The following EYA2 variants were observed in gnomAD, a reference collection of about 807,000 sequenced individuals.
EYA2 encodes protein phosphatase EYA2.
A neutral mutation model predicts 69.2 loss-of-function variants in EYA2; 31 were observed. The observed-to-expected ratio is 0.45, with a 90% CI of 0.34 to 0.60. EYA2 has a LOEUF of 0.60. Among genes scored for constraint, EYA2 ranks in the 20% least tolerant of loss-of-function variants. EYA2 has a pLI of 0.02. For synonymous variants in EYA2, 257 were observed against 279.4 expected (o/e 0.92, Z 0.80); for missense variants, 622 against 701.2 (o/e 0.89, Z 1.28).
At chr20:47,104,862 A>C (rs2146530798) in intron 9 of EYA2, among the ~76,000 whole-genome samples, 1 of 152,198 alleles carries the variant, frequency 6.6e-6, no homozygotes, top group South Asian at 2.1e-4. Context: ...CTCTACTAAA[A>C]ATACAAAAAT....
intron 5 of EYA2, among the ~76,000 whole-genome samples, chr20:47,039,899 G>A (rs1427571089): frequency 3.2e-5 from 4 of 124,110 alleles, no homozygotes; most frequent in African/African-American, 9.2e-5. Context: ...GGAGTGCAAT[G>A]GTGCGATCTC....
At chr20:47,096,061 A>T (rs17413419) in intron 8 of EYA2, 1 of 152,130 alleles carries the variant, frequency 6.6e-6, no homozygotes, top group East Asian at 1.9e-4. Context: ...AAATTAATAA[A>T]TTCTGACAAA....
intron 9 of EYA2, among the ~76,000 whole-genome samples, chr20:47,135,473 TATTA>T (rs1239699435): frequency 1.3e-5 from 2 of 151,348 alleles, no homozygotes; most frequent in Non-Finnish European, 2.9e-5. Context: ...TCAACATTAT[TATTA>T]ATTATTATTA....
At chr20:46,982,303 C>T (rs1412194775) in intron 1 of EYA2, among the ~76,000 whole-genome samples, 1 of 152,172 alleles carries the variant, frequency 6.6e-6, no homozygotes, top group Non-Finnish European at 1.5e-5. Flanking sequence ...ATCAATTCTG[C>T]TGAGAAGCTG....
At chr20:47,179,167 C>T (rs2034482696) in intron 12 of EYA2, among the ~76,000 whole-genome samples, 1 of 151,342 alleles carries the variant, frequency 6.6e-6, no homozygotes, top group South Asian at 2.1e-4. Flanking sequence ...ATTACAATAT[C>T]AAGTACTTAG....
At chr20:46,948,114 A>AAG (rs1978576594) in intron 1 of EYA2, among the ~76,000 whole-genome samples, 1 of 151,392 alleles carries the variant, frequency 6.6e-6, no homozygotes, top group Non-Finnish European at 1.5e-5. Context: ...TGTCTCAAAA[A>AAG]AAAAAAAAAG....
chr20:46,947,149 T>C (rs6090586), intron 1 of EYA2, among the ~76,000 whole-genome samples: 1,580 of 152,324 alleles, frequency 0.01, 27 homozygotes, highest in African/African-American at 0.036. Context: ...AGTTGAGGAA[T>C]GGCTGGCTGA....
At chr20:47,109,805 G>C (rs1442642646) in intron 9 of EYA2, among the ~76,000 whole-genome samples, 1 of 152,190 alleles carries the variant, frequency 6.6e-6, no homozygotes, top group Non-Finnish European at 1.5e-5. Flanking sequence ...CATTTTTGGG[G>C]AATGGGATAC....
chr20:47,042,618 A>T (rs1772599448), intron 5 of EYA2, among the ~76,000 whole-genome samples: 1 of 152,206 alleles, frequency 6.6e-6, no homozygotes, highest in Non-Finnish European at 1.5e-5. Flanking sequence ...TATCTCAAAG[A>T]ACCCACAGCA....
At chr20:46,984,587 G>A (rs1044657045) in intron 1 of EYA2, among the ~76,000 whole-genome samples, 3 of 152,150 alleles carry the variant, frequency 2.0e-5, no homozygotes, top group South Asian at 4.1e-4. Flanking sequence ...GCCGTGCCAA[G>A]TGTTAGCAGG....
intron 10 of EYA2, among the ~76,000 whole-genome samples, chr20:47,167,867 G>T (rs1389289834): frequency 6.6e-6 from 1 of 152,134 alleles, no homozygotes; most frequent in African/African-American, 2.4e-5. Flanking sequence ...CATCTTTGGG[G>T]GTTCGTTATT....
Position 47,030,866 on chromosome 20 carries a change from C to T in EYA2, c.415+14569C>T, listed in dbSNP as rs567954622. Among the ~76,000 whole-genome samples the T allele has an allele frequency of 1.5e-4, 23 of 152,324 alleles. No homozygotes were observed. The South Asian group carries it at 3.5e-3, about 23-fold the overall frequency. Reference sequence around the variant, plus strand: ...CGAATGCCTGGACTCAAGCGATCCTCTCGTCTCAGCCTCCTGAGTAGCTGA... The same window carrying T: ...CGAATGCCTGGACTCAAGCGATCCTTTCGTCTCAGCCTCCTGAGTAGCTGA... On this transcript the variant is annotated intron_variant, in intron 5 of 15. Transcript: ENST00000327619.
In EYA2 at chr20:47,075,625, G is replaced by T. The variant is rs190900106; in HGVS notation, c.661+1290G>T. 7.9e-5 allele frequency among the ~76,000 whole-genome samples: 12 copies of T among 152,236 alleles called. No individual in the cohort carries two copies. The East Asian group carries it at 2.1e-3, about 27-fold the overall frequency. The stretch of plus-strand genomic sequence containing the variant: ...AATGTTGATTCTTTGTCTAAGAGGG[G>T]TTCAAGTATAGCGACTCAGGGTCCT... On this transcript the variant is annotated intron_variant, in intron 7 of 15. Coordinates refer to ENST00000327619, the MANE Select transcript of EYA2 (RefSeq NM_005244.5).
intron 1 of EYA2, among the ~76,000 whole-genome samples, chr20:46,934,717 T>C (rs542119176): frequency 1.3e-5 from 2 of 152,016 alleles, no homozygotes; most frequent in Admixed American, 6.6e-5. Context: ...TGGAAATTTA[T>C]TGGATGGGAC....
chr20:47,009,694 C>G (rs1982942740), intron 4 of EYA2, among the ~76,000 whole-genome samples: 1 of 152,220 alleles, frequency 6.6e-6, no homozygotes, highest in Non-Finnish European at 1.5e-5. Flanking sequence ...CACACAGTCT[C>G]TATCTCAATC....
At chr20:47,111,896 G>A (rs1395398783) in intron 9 of EYA2, among the ~76,000 whole-genome samples, 5 of 152,254 alleles carry the variant, frequency 3.3e-5, no homozygotes, top group Non-Finnish European at 4.4e-5. Flanking sequence ...TTGAGAAGCC[G>A]AGGTGGGCAG....
intron 1 of EYA2, among the ~76,000 whole-genome samples, chr20:46,943,083 G>A (rs766644447): frequency 4.6e-5 from 7 of 152,162 alleles, no homozygotes; most frequent in African/African-American, 7.2e-5. Flanking sequence ...TGAATTAATC[G>A]GTGCAGAGCA....
At chr20:46,981,049 C>A (rs1323478153) in intron 1 of EYA2, among the ~76,000 whole-genome samples, 1 of 152,158 alleles carries the variant, frequency 6.6e-6, no homozygotes, top group Non-Finnish European at 1.5e-5. Context: ...TTTAGATCCT[C>A]ATGGCAGAAC....
chr20:47,074,335 G>T lies in EYA2; in HGVS notation c.661G>T (p.Gly221Cys). The T allele has an allele frequency of 1.2e-6, 2 of 1,613,780 alleles. No homozygotes were observed. Among genetic ancestry groups the T allele is most frequent in the Non-Finnish European group, 1.7e-6 (2 of 1,179,770 alleles). Residue 221 changes from glycine to cysteine, a missense_variant and splice_region_variant, in exon 7 of 16, where the codon GGT (glycine) becomes TGT (cysteine). By Grantham distance (159) the Gly-to-Cys change is radical (BLOSUM62 -3). Coordinates refer to ENST00000327619, the MANE Select transcript of EYA2 (RefSeq NM_005244.5). ...CAACCAGAGTTCCGAGTCACTTGCT[G>T]GTAGGTGCAGTCACTGGTGGGGCCA... ...VPNQSSESLA[G>C]EYNTHNGPST...
Sources: allele counts gnomAD v4.1 joint callset (sites outside exome capture counted in the v4.1 genomes callset), GRCh38; gene constraint gnomAD v4.1.1; transcripts MANE v1.5; gene names NCBI Gene and HGNC (gene_info 2026-07-23, HGNC 2026-07-21).